ME1: variants seen among roughly 807,000 people sequenced by gnomAD.
The protein encoded by ME1 is NADP-dependent malic enzyme.
A neutral mutation model predicts 66.4 loss-of-function variants in ME1; 74 were observed. The ratio of observed to expected loss-of-function variants is 1.11; its 90% CI spans 0.92 to 1.35. ME1 has a LOEUF of 1.35. Ranked by LOEUF, ME1 falls within the 40% of genes most tolerant of loss-of-function variation. The pLI is 0.00. For synonymous variants in ME1, 251 were observed against 235.6 expected (o/e 1.07, Z -0.60); for missense variants, 750 against 694.1 (o/e 1.08, Z -0.90).
intron 3 of ME1, among the ~76,000 whole-genome samples, chr6:83,353,985 T>C (rs1224135478): frequency 6.6e-6 from 1 of 152,208 alleles, no homozygotes; most frequent in East Asian, 1.9e-4. Context: ...TTTGCCTACG[T>C]TTCCTCCTAA....
intron 3 of ME1, among the ~76,000 whole-genome samples, chr6:83,375,055 C>T (rs2128547699): frequency 6.6e-6 from 1 of 152,172 alleles, no homozygotes; most frequent in South Asian, 2.1e-4. Flanking sequence ...ATTCTTTTTG[C>T]TTGGGATTGC....
chr6:83,310,200 G>A (rs943141377), intron 6 of ME1, among the ~76,000 whole-genome samples: 4 of 152,100 alleles, frequency 2.6e-5, no homozygotes, highest in Admixed American at 6.6e-5. Flanking sequence ...CACAGACCAC[G>A]ACCTATGCTC....
chr6:83,403,486 T>C (rs1250148966), intron 2 of ME1, among the ~76,000 whole-genome samples: 1 of 152,144 alleles, frequency 6.6e-6, no homozygotes, highest in Non-Finnish European at 1.5e-5. Context: ...GCCTCTTTTA[T>C]TTTTTTATTT....
chr6:83,247,599 A>G (rs1038669140), intron 7 of ME1, among the ~76,000 whole-genome samples: 3 of 152,076 alleles, frequency 2.0e-5, no homozygotes, highest in Admixed American at 2.0e-4. Context: ...GTAAGGCTGT[A>G]ATGGTTAGAT....
chr6:83,340,354 A>C (rs182976330), intron 5 of ME1, among the ~76,000 whole-genome samples: 2 of 152,324 alleles, frequency 1.3e-5, no homozygotes, highest in East Asian at 3.9e-4. Flanking sequence ...TAATGCCTCT[A>C]ATATATCACC....
At chr6:83,264,199 C>T (rs1157960735) in intron 6 of ME1, among the ~76,000 whole-genome samples, 7 of 152,142 alleles carry the variant, frequency 4.6e-5, no homozygotes, top group African/African-American at 7.2e-5. Flanking sequence ...GCCTGGGTAA[C>T]AACATATCTG....
chr6:83,370,839 C>T (rs1178621861), intron 3 of ME1, among the ~76,000 whole-genome samples: 4 of 152,014 alleles, frequency 2.6e-5, no homozygotes, highest in Non-Finnish European at 4.4e-5. Context: ...CAATGGGATC[C>T]AAGAGCGGAA....
At chr6:83,254,887 T>G (rs1395359825) in intron 6 of ME1, among the ~76,000 whole-genome samples, 2 of 152,158 alleles carry the variant, frequency 1.3e-5, no homozygotes, top group African/African-American at 4.8e-5. Flanking sequence ...TTCCCTCTGA[T>G]GTCAAACCTC....
chr6:83,234,745 A>C lies in ME1; in HGVS notation c.1026+2972T>G, dbSNP rs1790365594. Among the ~76,000 whole-genome samples, 3 of 147,982 alleles carry C rather than the reference A, an allele frequency of 2.0e-5. No homozygotes were observed. In the South Asian group the frequency reaches 6.4e-4, roughly 32 times the overall value. On this transcript the variant is annotated intron_variant, in intron 9 of 13. Transcript: ENST00000369705. ...CCATCCTCCACAATGCCATCAGAGT[A>C]AAGGAGAGGCAAACCCCCCTGCACA...
intron 5 of ME1, among the ~76,000 whole-genome samples, chr6:83,344,109 TAA>T (rs561027558): frequency 3.7e-4 from 47 of 126,748 alleles, no homozygotes; most frequent in Non-Finnish European, 3.6e-4. Flanking sequence ...AGACCCCGTC[TAA>T]AAAAAAAAAA....
At chr6:83,228,541 G>A (rs1042896194) in intron 10 of ME1, among the ~76,000 whole-genome samples, 5 of 152,110 alleles carry the variant, frequency 3.3e-5, no homozygotes, top group Non-Finnish European at 5.9e-5. Context: ...TCTTATTTGA[G>A]AACCACTGTC....
chr6:83,394,719 A>G (rs1769695844), intron 3 of ME1, among the ~76,000 whole-genome samples: 1 of 152,206 alleles, frequency 6.6e-6, no homozygotes. Flanking sequence ...TTTTATCTTT[A>G]AATTCAGAGC....
intron 9 of ME1, among the ~76,000 whole-genome samples, chr6:83,230,849 C>T (rs1280122309): frequency 6.6e-6 from 1 of 152,042 alleles, no homozygotes; most frequent in Middle Eastern, 3.2e-3. Flanking sequence ...AGGAGAATGG[C>T]ATAAACCCAG....
At chr6:83,212,186 T>A in intron 13 of ME1, 92 bp from the exon 14 acceptor site, 1 of 823,798 alleles carries the variant, frequency 1.2e-6, no homozygotes. Context: ...TCAAAAACAC[T>A]GTATCCTATG....
intron 6 of ME1, among the ~76,000 whole-genome samples, chr6:83,299,570 C>T (rs572142553): frequency 5.3e-5 from 8 of 152,172 alleles, no homozygotes; most frequent in African/African-American, 1.7e-4. Context: ...ACTTTCTCTC[C>T]TTCTATTTGA....
chr6:83,408,040 G>A (rs1334271623), intron 1 of ME1, 139 bp from the exon 2 acceptor site: 4 of 923,232 alleles, frequency 4.3e-6, no homozygotes, highest in African/African-American at 3.4e-5. Flanking sequence ...ATGTGGCTGT[G>A]AGTAAACCAT....
At position 83,381,541 on chromosome 6, in the gene ME1, A is replaced by G. The variant is rs538775055; in HGVS notation, c.362+16826T>C. On this transcript the variant is annotated intron_variant, in intron 3 of 13. Transcript: ENST00000369705. ...CAGCTGATGTATTTAGAGTCTGTGT[A>G]TATACCTACATGCTGTGTGTCCATA... Among the ~76,000 whole-genome samples the G allele has an allele frequency of 3.9e-5, 6 of 152,072 alleles. No homozygotes were observed. In the East Asian group the frequency reaches 1.2e-3, roughly 30 times the overall value.
At chr6:83,295,731 G>A (rs944876931) in intron 6 of ME1, among the ~76,000 whole-genome samples, 1 of 152,002 alleles carries the variant, frequency 6.6e-6, no homozygotes, top group African/African-American at 2.4e-5. Flanking sequence ...AACAAATCCA[G>A]GAGTGGTTCT....
chr6:83,242,055 G>A (rs150065530), intron 7 of ME1, among the ~76,000 whole-genome samples: 29 of 152,160 alleles, frequency 1.9e-4, no homozygotes, highest in African/African-American at 4.3e-4. Flanking sequence ...TAGAGACAGC[G>A]TTTTGCCATG....
Sources: gnomAD v4.1 joint callset for allele counts (sites outside exome capture counted in the v4.1 genomes callset) on GRCh38, gnomAD v4.1.1 for gene constraint, MANE v1.5 for transcripts, NCBI Gene and HGNC (gene_info 2026-07-23, HGNC 2026-07-21) for gene names.